Variants in CCDC192 observed in about 807,000 individuals in gnomAD.
The protein encoded by CCDC192 is coiled-coil domain containing 192, also known as coiled-coil domain-containing protein 192.
chr5:127,734,252 G>C (rs1200236860), intron 2 of CCDC192, among the ~76,000 whole-genome samples: 2 of 151,824 alleles, frequency 1.3e-5, no homozygotes, highest in East Asian at 3.9e-4. Context: ...CAAAGGACAT[G>C]AACTCATCAC....
At chr5:127,832,748 C>A (rs969893543) in intron 5 of CCDC192, among the ~76,000 whole-genome samples, 8 of 152,030 alleles carry the variant, frequency 5.3e-5, no homozygotes, top group Non-Finnish European at 1.2e-4. Flanking sequence ...CACCAAAACC[C>A]AAACTATATA....
intron 2 of CCDC192, among the ~76,000 whole-genome samples, chr5:127,723,190 T>C (rs1344878993): frequency 1.3e-5 from 2 of 152,210 alleles, no homozygotes; most frequent in South Asian, 4.1e-4. Flanking sequence ...CTAAGTTTAT[T>C]CCTGGGTATT....
At chr5:127,915,209 G>C (rs1422811655) in intron 6 of CCDC192, among the ~76,000 whole-genome samples, 1 of 151,226 alleles carries the variant, frequency 6.6e-6, no homozygotes, top group Non-Finnish European at 1.5e-5. Context: ...GCAAAAACAT[G>C]TTTAAAAAAC....
intron 3 of CCDC192, among the ~76,000 whole-genome samples, chr5:127,760,265 G>GTT (rs1561472314): frequency 1.2e-3 from 54 of 45,118 alleles, no homozygotes; most frequent in African/African-American, 5.5e-3. Context: ...TTAATACAGT[G>GTT]GTTTTTTTTT....
At chr5:127,775,927 C>T (rs1755831786) in intron 3 of CCDC192, among the ~76,000 whole-genome samples, 1 of 152,180 alleles carries the variant, frequency 6.6e-6, no homozygotes, top group Non-Finnish European at 1.5e-5. Flanking sequence ...TGTGAGGCCT[C>T]CCCAGCCATG....
At chr5:127,752,207 A>G (rs563071484) in intron 2 of CCDC192, among the ~76,000 whole-genome samples, 1 of 152,116 alleles carries the variant, frequency 6.6e-6, no homozygotes, top group East Asian at 1.9e-4. Flanking sequence ...TTTAGTTTCC[A>G]GTTTTTCTGC....
intron 3 of CCDC192, chr5:127,784,542 C>A: frequency 2.5e-6 from 1 of 403,602 alleles, no homozygotes. Context: ...CTGCTGTAAA[C>A]TTGAGTTGTT....
chr5:127,886,871 A>G (rs1752577689), intron 6 of CCDC192, among the ~76,000 whole-genome samples: 1 of 152,240 alleles, frequency 6.6e-6, no homozygotes, highest in Non-Finnish European at 1.5e-5. Context: ...AGGAAATGAA[A>G]GGATGCAAAG....
chr5:127,892,348 C>T (rs1346896002), intron 6 of CCDC192, among the ~76,000 whole-genome samples: 1 of 152,086 alleles, frequency 6.6e-6, no homozygotes, highest in African/African-American at 2.4e-5. Flanking sequence ...CCATGTAATT[C>T]TGATTACATG....
chr5:127,919,071 A>ATGTGTGTG (rs753703678), intron 6 of CCDC192, among the ~76,000 whole-genome samples: 1 of 132,274 alleles, frequency 7.6e-6, no homozygotes, highest in African/African-American at 3.3e-5. Context: ...GTGTGTGTAT[A>ATGTGTGTG]TATGTGTGTG....
chr5:127,881,211 G>A (rs1478077294), intron 6 of CCDC192, among the ~76,000 whole-genome samples: 4 of 152,172 alleles, frequency 2.6e-5, no homozygotes, highest in Non-Finnish European at 4.4e-5. Context: ...CTAGCCTTCA[G>A]TAAGTGATAC....
At chr5:127,906,326 T>A (rs964094546) in intron 6 of CCDC192, among the ~76,000 whole-genome samples, 2 of 152,258 alleles carry the variant, frequency 1.3e-5, no homozygotes, top group African/African-American at 4.8e-5. Flanking sequence ...TTAAGGTACA[T>A]CCATGTTGTA....
chr5:127,895,058 C>A (rs182655933), intron 6 of CCDC192, among the ~76,000 whole-genome samples: 8 of 152,076 alleles, frequency 5.3e-5, no homozygotes, highest in Admixed American at 3.3e-4. Context: ...CGTAAGTAAG[C>A]GTGTGCTGCG....
intron 5 of CCDC192, among the ~76,000 whole-genome samples, chr5:127,829,229 C>A (rs1239809572): frequency 6.6e-6 from 1 of 152,034 alleles, no homozygotes; most frequent in Non-Finnish European, 1.5e-5. Context: ...TTTGGAATAT[C>A]TAAGTACATG....
intron 2 of CCDC192, among the ~76,000 whole-genome samples, chr5:127,711,564 A>G (rs1276441212): frequency 6.6e-6 from 1 of 152,138 alleles, no homozygotes; most frequent in Non-Finnish European, 1.5e-5. Context: ...TTTGCTGGAA[A>G]CATACATTTG....
chr5:127,843,228 C>T (rs1329632049), intron 5 of CCDC192, among the ~76,000 whole-genome samples: 3 of 149,992 alleles, frequency 2.0e-5, no homozygotes, highest in Non-Finnish European at 3.0e-5. Context: ...TTAGTAGAGA[C>T]GAGGTTTCAC....
At chr5:127,896,225 G>A (rs1442645264) in intron 6 of CCDC192, among the ~76,000 whole-genome samples, 1 of 152,034 alleles carries the variant, frequency 6.6e-6, no homozygotes, top group East Asian at 1.9e-4. Context: ...GATCATTTGA[G>A]GCCATGAGTT....
intron 6 of CCDC192, among the ~76,000 whole-genome samples, chr5:127,899,450 A>T (rs1752981415): frequency 6.6e-6 from 1 of 152,118 alleles, no homozygotes; most frequent in Non-Finnish European, 1.5e-5. Flanking sequence ...GGGCTGGCTT[A>T]ATCATAAAGC....
intron 5 of CCDC192, among the ~76,000 whole-genome samples, chr5:127,874,857 G>A (rs1371630492): frequency 6.6e-6 from 1 of 152,160 alleles, no homozygotes; most frequent in Non-Finnish European, 1.5e-5. Flanking sequence ...GAACTTTCGA[G>A]TCATGAAGTC....
Sources: allele counts gnomAD v4.1 joint callset (sites outside exome capture counted in the v4.1 genomes callset), GRCh38; gene constraint gnomAD v4.1.1; transcripts MANE v1.5; gene names NCBI Gene and HGNC (gene_info 2026-07-23, HGNC 2026-07-21).